LRCH1: variants seen among roughly 807,000 people sequenced by gnomAD.
LRCH1 encodes the protein leucine-rich repeat and calponin homology domain-containing protein 1.
LRCH1 carries 23 observed loss-of-function variants against 94.9 expected under a neutral mutation model. That is an observed-to-expected ratio of 0.24 (90% CI 0.17 to 0.34). LRCH1 has a LOEUF of 0.34. Ranked by LOEUF, LRCH1 falls within the 10% of genes least tolerant of loss-of-function variation. The pLI is 1.00. For synonymous variants in LRCH1, 364 were observed against 354.9 expected (o/e 1.03, Z -0.29); for missense variants, 790 against 945.9 (o/e 0.84, Z 2.16).
chr13:46,738,594 A>G (rs1177883041), intron 19 of LRCH1, among the ~76,000 whole-genome samples: 2 of 152,162 alleles, frequency 1.3e-5, no homozygotes, highest in East Asian at 3.8e-4. Flanking sequence ...TGGGTCCCTT[A>G]TCTTCTCTGA....
At chr13:46,677,110 A>C (rs2138133820) in intron 3 of LRCH1, among the ~76,000 whole-genome samples, 1 of 152,148 alleles carries the variant, frequency 6.6e-6, no homozygotes, top group Admixed American at 6.5e-5. Context: ...ATCATTCCTT[A>C]AAAAAATACT....
chr13:46,712,701 C>T, intron 15 of LRCH1, 104 bp downstream of exon 15: 1 of 1,063,054 alleles, frequency 9.4e-7, no homozygotes, highest in Non-Finnish European at 1.4e-6. Flanking sequence ...GTCAGTTCTG[C>T]TGAGCCGAAA....
chr13:46,553,230 C>T lies in LRCH1; in HGVS notation c.-167C>T. The T allele has an allele frequency of 2.0e-6, 1 of 504,018 alleles. No individual in the cohort carries two copies. The highest frequency in any genetic ancestry group is 3.5e-6 in the Non-Finnish European group (1 of 282,242). 31.2% of individuals were successfully genotyped at this position (504,018 alleles called of 1,614,324 possible). ...AGACCGAGCTGCCACGGCCGCCTCCCCGCCCGCCCCCCATTCTACGCGCCT... is the reference window on the plus strand; with the variant it reads ...AGACCGAGCTGCCACGGCCGCCTCCTCGCCCGCCCCCCATTCTACGCGCCT... On this transcript the variant is annotated 5_prime_UTR_variant, in exon 1 of 20. Coordinates refer to ENST00000389797, the MANE Select transcript of LRCH1 (RefSeq NM_001164211.2).
At position 46,660,790 on chromosome 13, in the gene LRCH1, C is replaced by G. The variant is rs753847145; in HGVS notation, c.453-8240C>G. 1.6e-4 allele frequency among the ~76,000 whole-genome samples: 24 copies of G among 152,166 alleles called. 1 individual carries two copies. Among genetic ancestry groups the G allele is most frequent in the Non-Finnish European group, 2.8e-4 (19 of 68,028 alleles). On this transcript the variant is annotated intron_variant, in intron 2 of 19. Transcript: ENST00000389797. Reference sequence around the variant, plus strand: ...CCAAGACCTTATGCCTCTTGTGTCTCAAATATGTTCTTTATCCCTTTGACT... The same window carrying G: ...CCAAGACCTTATGCCTCTTGTGTCTGAAATATGTTCTTTATCCCTTTGACT...
chr13:46,640,394 T>C (rs1455990300), intron 1 of LRCH1, among the ~76,000 whole-genome samples: 5 of 152,244 alleles, frequency 3.3e-5, no homozygotes, highest in South Asian at 4.2e-4. Flanking sequence ...CATAGAGAAA[T>C]TAAGTAATTA....
rs1391418689 is a variant in LRCH1, at chr13:46,742,089, C to G, written c.*241C>G. ...CGACGACGACTGCAAAGTGTATGCA[C>G]ACCGCATGCTTCCTCATCCACATAG... On this transcript the variant is annotated 3_prime_UTR_variant, in exon 20 of 20. Transcript: ENST00000389797. 7.3e-7 allele frequency: 1 copy of G among 1,363,000 alleles called. No homozygotes were observed. 84.4% of individuals were successfully genotyped at this position (1,363,000 alleles called of 1,614,324 possible).
chr13:46,701,023 A>G (rs1043308870), intron 10 of LRCH1, 98 bp from the exon 11 acceptor site: 3 of 745,478 alleles, frequency 4.0e-6, no homozygotes, highest in Non-Finnish European at 7.0e-6. Flanking sequence ...TCATTTTCAT[A>G]TGTTAGATGG....
chr13:46,666,426 TCCATATCTGCTAATCTGGTTAGATCCCTG>T (rs2051517133), intron 2 of LRCH1, among the ~76,000 whole-genome samples: 1 of 152,240 alleles, frequency 6.6e-6, no homozygotes, highest in South Asian at 2.1e-4. Flanking sequence ...CTCTCCCAGT[TCCATATCTGCTAATCTGGTTAGATCCCTG>T]CACCAACTAG....
At chr13:46,582,353 A>G (rs372905407) in intron 1 of LRCH1, among the ~76,000 whole-genome samples, 1 of 146,800 alleles carries the variant, frequency 6.8e-6, no homozygotes, top group Non-Finnish European at 1.5e-5. Context: ...CAATGGAAGA[A>G]CAACCGTTGC....
intron 11 of LRCH1, among the ~76,000 whole-genome samples, chr13:46,703,535 A>G (rs1871596888): frequency 6.6e-6 from 1 of 152,198 alleles, no homozygotes. Context: ...AACTTATCCT[A>G]AGAGACAAGA....
Position 46,640,789 on chromosome 13 carries a change from A to C in LRCH1, c.308-9412A>C, listed in dbSNP as rs969957302. Reference sequence around the variant, plus strand: ...GTGCTAAGATAAAAAGAAAATGTAGAACAGAGGAAGAAGGTTAAGATGGTT... The same window carrying C: ...GTGCTAAGATAAAAAGAAAATGTAGCACAGAGGAAGAAGGTTAAGATGGTT... On this transcript the variant is annotated intron_variant, in intron 1 of 19. Transcript: ENST00000389797. 2.0e-5 allele frequency among the ~76,000 whole-genome samples: 3 copies of C among 152,226 alleles called. No individual in the cohort carries two copies. In the East Asian group the frequency reaches 5.8e-4, roughly 29 times the overall value.
chr13:46,659,557 G>A (rs1303863685), intron 2 of LRCH1, among the ~76,000 whole-genome samples: 1 of 152,084 alleles, frequency 6.6e-6, no homozygotes, highest in East Asian at 1.9e-4. Flanking sequence ...ATTGGAACAG[G>A]TCTGTAAGTA....
chr13:46,598,608 CACAA>C (rs2050592588), intron 1 of LRCH1, among the ~76,000 whole-genome samples: 6 of 146,866 alleles, frequency 4.1e-5, no homozygotes, highest in Non-Finnish European at 9.0e-5. Flanking sequence ...AAAAAAAGAA[CACAA>C]ACAAAATAGC....
At chr13:46,560,686 A>G (rs1392385409) in intron 1 of LRCH1, among the ~76,000 whole-genome samples, 1 of 152,170 alleles carries the variant, frequency 6.6e-6, no homozygotes, top group Non-Finnish European at 1.5e-5. Flanking sequence ...TTGTTTTTGC[A>G]TCAGAATTTT....
chr13:46,730,647 T>C (rs1240343530), intron 18 of LRCH1, among the ~76,000 whole-genome samples: 1 of 152,226 alleles, frequency 6.6e-6, no homozygotes, highest in Non-Finnish European at 1.5e-5. Flanking sequence ...TTGTCTTCTT[T>C]TACAAATCTA....
In LRCH1 at chr13:46,687,931, A is replaced by G. The variant is rs774576198; in HGVS notation, c.902A>G (p.Tyr301Cys). The change falls in exon 6 of 20, where the codon TAT becomes TGT. Residue 301 changes from tyrosine to cysteine, a missense_variant. Around this residue, in one of 3 missense-constraint regions of LRCH1, gnomAD observed 194 missense variants for 293.5 expected, o/e 0.66. Transcript: ENST00000389797. ...CAGATTAAGACAGCTGACTCCCTTT[A>G]TCTCCACACCATGGAGAGGCCACAT... Reference protein sequence around the residue: ...ACQIKTADSLYLHTMERPHLH... With the variant: ...ACQIKTADSLCLHTMERPHLH... 3.1e-6 allele frequency: 5 copies of G among 1,612,982 alleles called. No homozygotes were observed. The Admixed American group carries it at 8.4e-5, about 27-fold the overall frequency.
intron 3 of LRCH1, among the ~76,000 whole-genome samples, chr13:46,681,234 T>C (rs920621180): frequency 1.3e-5 from 2 of 152,252 alleles, no homozygotes; most frequent in African/African-American, 2.4e-5. Context: ...AATATTCTAG[T>C]TCTTCACTGC....
In LRCH1 at chr13:46,592,166, G is replaced by A. The variant is rs532579889; in HGVS notation, c.307+38463G>A. 2.3e-4 allele frequency among the ~76,000 whole-genome samples: 35 copies of A among 152,288 alleles called. No individual in the cohort carries two copies. In the South Asian group the frequency reaches 6.8e-3, roughly 30 times the overall value. On this transcript the variant is annotated intron_variant, in intron 1 of 19. Coordinates refer to ENST00000389797, the MANE Select transcript of LRCH1 (RefSeq NM_001164211.2). ...GCTTTTTAAGGTACGGCGCCTCGTGGAGGACTCCATTAATGAGGAATCATG... is the reference window on the plus strand; with the variant it reads ...GCTTTTTAAGGTACGGCGCCTCGTGAAGGACTCCATTAATGAGGAATCATG...
chr13:46,556,141 A>G (rs775209117), intron 1 of LRCH1, among the ~76,000 whole-genome samples: 3 of 152,076 alleles, frequency 2.0e-5, no homozygotes, highest in Non-Finnish European at 4.4e-5. Context: ...TTTTTTTTCC[A>G]TATATTTTCT....
Sources: allele counts gnomAD v4.1 joint callset (sites outside exome capture counted in the v4.1 genomes callset), GRCh38; gene constraint gnomAD v4.1.1; regional missense constraint gnomAD v4.1.1; transcripts MANE v1.5; gene names NCBI Gene and HGNC (gene_info 2026-07-23, HGNC 2026-07-21).